EIF4G3: variants seen among roughly 807,000 people sequenced by gnomAD.
EIF4G3 encodes eukaryotic translation initiation factor 4 gamma 3.
In EIF4G3, 34 loss-of-function variants were observed where a neutral mutation model predicts 186.4. That is an observed-to-expected ratio of 0.18 (90% confidence interval 0.14 to 0.24). The LOEUF (loss-of-function observed/expected upper bound fraction) is 0.24. EIF4G3 is among the 10% of genes least tolerant of loss of function. EIF4G3 has a pLI of 1.00. For missense variants in EIF4G3, 1,536 were observed against 1,948.5 expected (o/e 0.79, Z 3.99); for synonymous variants, 673 against 679.5 (o/e 0.99, Z 0.15).
At chr1:21,175,112 C>CT (rs1189599777) in intron 2 of EIF4G3, 1 of 152,196 alleles carries the variant, frequency 6.6e-6, no homozygotes, top group African/African-American at 2.4e-5. Flanking sequence ...AAACACAACA[C>CT]ATCTAACATC....
At position 21,018,662 on chromosome 1, in the gene EIF4G3, G is replaced by C. The variant is rs1174978221; in HGVS notation, c.-66-15854C>G. ...CAATGTTGGAGCTGGAGTCTAATGG[G>C]AAGTGTTTGGATTAAGGGAGTTGAT... On this transcript the variant is annotated intron_variant, in intron 4 of 36. Coordinates refer to ENST00000602326, the MANE Select transcript of EIF4G3 (RefSeq NM_001391906.1). 3.9e-5 allele frequency among the ~76,000 whole-genome samples: 6 copies of C among 152,142 alleles called. No homozygotes were observed. In the East Asian group the frequency reaches 1.2e-3, roughly 29 times the overall value.
At chr1:20,893,287 GA>G (rs367854797) in intron 18 of EIF4G3, 793 of 341,914 alleles carry the variant, frequency 2.3e-3, no homozygotes, top group Middle Eastern at 4.2e-3. Flanking sequence ...AAAAAATAGG[GA>G]AAAAAAAAAT....
At chr1:21,015,068 G>A (rs571847657) in intron 4 of EIF4G3, among the ~76,000 whole-genome samples, 6 of 140,302 alleles carry the variant, frequency 4.3e-5, no homozygotes, top group African/African-American at 1.6e-4. Flanking sequence ...GATAGAAATA[G>A]TTTAAAAAAA....
chr1:20,976,335 C>A (rs2076868818), intron 10 of EIF4G3, among the ~76,000 whole-genome samples: 1 of 149,578 alleles, frequency 6.7e-6, no homozygotes. Flanking sequence ...CTTCCCCCCA[C>A]CCCACAACAG....
chr1:20,981,250 A>T (rs879250026), intron 8 of EIF4G3, 23 bp from the exon 9 acceptor site: 1,453 of 1,225,650 alleles, frequency 1.2e-3, no homozygotes, highest in East Asian at 5.1e-3. Context: ...GAAAAAAAAA[A>T]TTTTTTTTTT....
At chr1:20,874,289 C>T (rs2080125100) in intron 20 of EIF4G3, among the ~76,000 whole-genome samples, 1 of 152,134 alleles carries the variant, frequency 6.6e-6, no homozygotes, top group Non-Finnish European at 1.5e-5. Context: ...CTTACGTTCC[C>T]ACCAACAGTG....
At chr1:20,875,107 T>A (rs991919519) in intron 20 of EIF4G3, among the ~76,000 whole-genome samples, 6 of 53,994 alleles carry the variant, frequency 1.1e-4, no homozygotes, top group African/African-American at 2.9e-4. Context: ...GCCTCCCTAG[T>A]AGCTGGGACT....
At chr1:20,991,343 G>A (rs1429341087) in intron 7 of EIF4G3, among the ~76,000 whole-genome samples, 3 of 152,048 alleles carry the variant, frequency 2.0e-5, no homozygotes, top group South Asian at 4.2e-4. Context: ...TAAGATGGGC[G>A]GATCGCTTAA....
At chr1:20,948,901 C>T (rs145313396) in intron 13 of EIF4G3, among the ~76,000 whole-genome samples, 1,480 of 140,536 alleles carry the variant, frequency 0.011, 15 homozygotes, top group Non-Finnish European at 0.017. Context: ...CCCAGCTACT[C>T]GGGCGGCTGA....
intron 30 of EIF4G3, among the ~76,000 whole-genome samples, chr1:20,835,851 C>A (rs900384075): frequency 6.6e-6 from 1 of 151,740 alleles, no homozygotes; most frequent in Non-Finnish European, 1.5e-5. Context: ...ATGGGAGGAT[C>A]ACTTGAGCCC....
Position 20,841,041 on chromosome 1 carries a change from C to T in EIF4G3, c.3889-13G>A, listed in dbSNP as rs1364048787. 2.5e-6 allele frequency: 4 copies of T among 1,612,572 alleles called. No individual in the cohort carries two copies. In the East Asian group the frequency reaches 8.9e-5, roughly 36 times the overall value. On this transcript the variant is annotated splice_polypyrimidine_tract_variant and intron_variant, in intron 29 of 36. Transcript: ENST00000602326. ...ACTGCATGGCTTCCTGTTCCAACAGCAAAGAAAGGTTTACTCCAAAATCTG... is the reference window on the plus strand; with the variant it reads ...ACTGCATGGCTTCCTGTTCCAACAGTAAAGAAAGGTTTACTCCAAAATCTG...
chr1:20,836,405 G>A (rs912807677), intron 30 of EIF4G3, among the ~76,000 whole-genome samples: 1 of 152,036 alleles, frequency 6.6e-6, no homozygotes, highest in Admixed American at 6.6e-5. Context: ...ACCATGCACA[G>A]CCAATTTTTT....
intron 2 of EIF4G3, among the ~76,000 whole-genome samples, chr1:21,152,849 C>T (rs1296812757): frequency 2.0e-5 from 3 of 152,106 alleles, no homozygotes; most frequent in Non-Finnish European, 4.4e-5. Context: ...AAGCCAAGCA[C>T]GATGTACACA....
chr1:20,948,731 G>A (rs897076048), intron 13 of EIF4G3, among the ~76,000 whole-genome samples: 5 of 151,610 alleles, frequency 3.3e-5, no homozygotes, highest in African/African-American at 4.8e-5. Flanking sequence ...TTTTTAGTCC[G>A]GGCATGGTGC....
intron 26 of EIF4G3, among the ~76,000 whole-genome samples, chr1:20,854,140 T>C (rs950426506): frequency 2.0e-5 from 3 of 152,162 alleles, no homozygotes; most frequent in East Asian, 1.9e-4. Flanking sequence ...TTTCTTTCCA[T>C]TGGGCTTCCT....
chr1:20,977,786 C>T (rs541255679), intron 10 of EIF4G3, among the ~76,000 whole-genome samples: 2 of 152,220 alleles, frequency 1.3e-5, no homozygotes, highest in Admixed American at 1.3e-4. Context: ...TAATATTGTA[C>T]ATTCAAATCT....
chr1:20,906,941 G>A (rs2092283452), intron 14 of EIF4G3, among the ~76,000 whole-genome samples: 1 of 152,006 alleles, frequency 6.6e-6, no homozygotes, highest in Admixed American at 6.6e-5. Flanking sequence ...GAATGAAGGG[G>A]GAGAAAAGGG....
chr1:21,114,999 C>G (rs141976657), intron 2 of EIF4G3, among the ~76,000 whole-genome samples: 1 of 151,982 alleles, frequency 6.6e-6, no homozygotes, highest in Non-Finnish European at 1.5e-5. Flanking sequence ...CCCATCTCTA[C>G]GGAAAAAAAC....
chr1:20,916,326 A>T (rs1338635542), intron 14 of EIF4G3, among the ~76,000 whole-genome samples: 1 of 152,098 alleles, frequency 6.6e-6, no homozygotes, highest in Admixed American at 6.5e-5. Flanking sequence ...GGACACCTGT[A>T]GTCCCAGCTA....
Sources: gnomAD v4.1 joint callset for allele counts (sites outside exome capture counted in the v4.1 genomes callset) on GRCh38, gnomAD v4.1.1 for gene constraint, MANE v1.5 for transcripts, NCBI Gene and HGNC (gene_info 2026-07-23, HGNC 2026-07-21) for gene names.